ADAMTS17: variants seen among roughly 807,000 people sequenced by gnomAD.
ADAMTS17 encodes the protein A disintegrin and metalloproteinase with thrombospondin motifs 17.
In ADAMTS17, 113 loss-of-function variants were observed where a neutral mutation model predicts 141.5. That is an observed-to-expected ratio of 0.80 (90% CI 0.69 to 0.93). The LOEUF (loss-of-function observed/expected upper bound fraction) is 0.93. Ranked by LOEUF, ADAMTS17 falls within the 40% of genes least tolerant of loss-of-function variation. The pLI is 0.00. For missense variants in ADAMTS17, 1,659 were observed against 1,517.9 expected (o/e 1.09, Z -1.54); for synonymous variants, 768 against 630.6 (o/e 1.22, Z -3.27).
chr15:100,219,763 G>A (rs1363419370), intron 7 of ADAMTS17, among the ~76,000 whole-genome samples: 2 of 152,300 alleles, frequency 1.3e-5, no homozygotes, highest in East Asian at 3.9e-4. Flanking sequence ...CCCTTCATCT[G>A]ACCTGGGAAT....
At chr15:100,163,188 A>G (rs1041797639) in intron 8 of ADAMTS17, among the ~76,000 whole-genome samples, 28 of 152,142 alleles carry the variant, frequency 1.8e-4, no homozygotes, top group African/African-American at 6.7e-4. Context: ...TACAAGATTC[A>G]CATCAAGTAG....
intron 4 of ADAMTS17, among the ~76,000 whole-genome samples, chr15:100,265,294 T>A (rs1384034408): frequency 6.6e-6 from 1 of 152,198 alleles, no homozygotes; most frequent in Non-Finnish European, 1.5e-5. Flanking sequence ...CAAAGACATG[T>A]AACAAAGTCT....
At chr15:100,194,195 C>T (rs891697104) in intron 8 of ADAMTS17, among the ~76,000 whole-genome samples, 2 of 152,202 alleles carry the variant, frequency 1.3e-5, no homozygotes, top group African/African-American at 4.8e-5. Flanking sequence ...AGACATCTCC[C>T]AGGAGTTTGC....
At chr15:100,245,013 AAG>A (rs2042944831) in intron 7 of ADAMTS17, among the ~76,000 whole-genome samples, 2 of 152,212 alleles carry the variant, frequency 1.3e-5, no homozygotes, top group African/African-American at 4.8e-5. Context: ...TGACTAGAGT[AAG>A]AGCCGCACTG....
At chr15:100,092,684 T>C (rs1050143441) in intron 15 of ADAMTS17, among the ~76,000 whole-genome samples, 1 of 152,180 alleles carries the variant, frequency 6.6e-6, no homozygotes, top group Non-Finnish European at 1.5e-5. Flanking sequence ...AGGTAATTAC[T>C]GAACAAATAT....
At chr15:100,021,618 G>A (rs2061408464) in intron 18 of ADAMTS17, among the ~76,000 whole-genome samples, 2 of 152,170 alleles carry the variant, frequency 1.3e-5, no homozygotes, top group African/African-American at 4.8e-5. Flanking sequence ...CAGCCAGTCT[G>A]ATGATTTACT....
intron 3 of ADAMTS17, among the ~76,000 whole-genome samples, chr15:100,290,962 G>C (rs1032891268): frequency 1.1e-4 from 17 of 152,066 alleles, no homozygotes; most frequent in Admixed American, 3.9e-4. Flanking sequence ...TCATGACAAA[G>C]ATGCCAAAAG....
intron 3 of ADAMTS17, among the ~76,000 whole-genome samples, chr15:100,319,441 T>TACA (rs1440059470): frequency 1.3e-5 from 2 of 152,326 alleles, no homozygotes; most frequent in East Asian, 3.9e-4. Context: ...GGCTGGGCAG[T>TACA]GGCTCACGCC....
rs2043548745 is a variant in ADAMTS17 at position 100,262,287 on chromosome 15, G to A, written c.873+65C>T. 2.1e-6 allele frequency: 3 copies of A among 1,432,916 alleles called. No homozygotes were observed. The Admixed American group carries it at 5.1e-5, about 24-fold the overall frequency. The allele number at this position is 1,432,916 out of a possible 1,614,324, so 88.8% of individuals were successfully genotyped here. A position where few individuals can be genotyped will look rare whatever the true frequency, so the allele number is the denominator to read the frequency against. ...CTGGAGCCCCGCTTAGCATTCAACA[G>A]CAGTTGAGAAGCTCCAGCCCAGCCA... is the stretch of plus-strand genomic sequence containing the variant. On this transcript the variant is annotated intron_variant, in intron 5 of 21. Transcript: ENST00000268070.
intron 8 of ADAMTS17, among the ~76,000 whole-genome samples, chr15:100,181,221 T>C (rs752514027): frequency 2.6e-5 from 4 of 152,140 alleles, no homozygotes; most frequent in Non-Finnish European, 5.9e-5. Context: ...TGGACTCCCC[T>C]CTGGCCCAGA....
At chr15:100,301,977 G>A (rs1001810547) in intron 3 of ADAMTS17, among the ~76,000 whole-genome samples, 1 of 152,118 alleles carries the variant, frequency 6.6e-6, no homozygotes, top group African/African-American at 2.4e-5. Flanking sequence ...GTTGTTTTCA[G>A]TGTATTCACA....
In ADAMTS17 at chr15:100,109,030, C is replaced by T. The variant is rs768176304; in HGVS notation, c.1975G>A (p.Gly659Arg). The T allele has an allele frequency of 1.2e-5, 20 of 1,613,998 alleles. No individual in the cohort carries two copies. Among genetic ancestry groups the T allele is most frequent in the Middle Eastern group, 1.6e-4 (1 of 6,076 alleles). ...ACGCAGAGATCAGTCTCGTAGGGCC[C>T]GCAGGGTGTACCGTCCAGGACCCTG... ...ADRVLDGTPC[G>R]PYETDLCVHG... Residue 659 changes from glycine to arginine, a missense_variant, in exon 14 of 22, where the codon GGG (glycine) becomes AGG (arginine). Physicochemically the swap from Gly to Arg is moderately radical, Grantham distance 125. Coordinates refer to ENST00000268070, the MANE Select transcript of ADAMTS17 (RefSeq NM_139057.4).
intron 5 of ADAMTS17, 101 bp from the exon 6 acceptor site, chr15:100,261,737 T>C (rs2043525689): frequency 7.5e-7 from 1 of 1,341,084 alleles, no homozygotes; most frequent in Admixed American, 2.0e-5. Flanking sequence ...AGTCACTCAC[T>C]GAGACATCAT....
chr15:100,202,993 A>C (rs1436342191), intron 7 of ADAMTS17, among the ~76,000 whole-genome samples: 2 of 152,216 alleles, frequency 1.3e-5, no homozygotes, highest in African/African-American at 4.8e-5. Context: ...ATTTTTAAAA[A>C]CATCAATTCC....
intron 7 of ADAMTS17, among the ~76,000 whole-genome samples, chr15:100,228,007 C>G (rs1237164596): frequency 1.3e-5 from 2 of 152,200 alleles, no homozygotes; most frequent in African/African-American, 2.4e-5. Context: ...AATCCCGACA[C>G]TCAGATAAAA....
At position 100,021,308 on chromosome 15, in the gene ADAMTS17, G is replaced by C. The variant is rs2061403088; in HGVS notation, c.2592-23719C>G. ...TCCTTTCCAAAGACCAGACATGCAG[G>C]GTTAGGATCTGGGCGTCATCTTGGA... is the stretch of plus-strand genomic sequence containing the variant. On this transcript the variant is annotated intron_variant, in intron 18 of 21. Transcript: ENST00000268070. Among the ~76,000 whole-genome samples, 3 of 152,116 alleles carry C rather than the reference G, an allele frequency of 2.0e-5. No individual in the cohort carries two copies. In the South Asian group the frequency reaches 6.2e-4, roughly 31 times the overall value.
chr15:100,095,398 T>C lies in ADAMTS17; in HGVS notation c.2137+958A>G, dbSNP rs563420312. On this transcript the variant is annotated intron_variant, in intron 15 of 21. Coordinates refer to ENST00000268070, the MANE Select transcript of ADAMTS17 (RefSeq NM_139057.4). ...CGTTTCTTCCAGACCAGGTTTCCTA[T>C]CCACACAGAGAAAAGTGGAGAGGAG... is the stretch of plus-strand genomic sequence containing the variant. Among the ~76,000 whole-genome samples, 5 of 152,302 alleles carry C rather than the reference T, an allele frequency of 3.3e-5. 1 individual carries two copies. The highest frequency in any genetic ancestry group is 9.6e-5 in the African/African-American group (4 of 41,558).
Position 100,109,082 on chromosome 15 carries a change from C to A in ADAMTS17, c.1923G>T (p.Gly641=). The part of the protein sequence containing the change: ...KPCELYCSPL[G]KESPLLVADR... Reference sequence around the variant, plus strand: ...CGGCCACCAGCAGTGGGGACTCCTTCCCGAGGGGCGAGCAGTAGAGTTCAC... The same window carrying A: ...CGGCCACCAGCAGTGGGGACTCCTTACCGAGGGGCGAGCAGTAGAGTTCAC... The change falls in exon 14 of 22, where the codon GGG becomes GGT. Residue 641 remains glycine (G), a synonymous_variant. Coordinates refer to ENST00000268070, the MANE Select transcript of ADAMTS17 (RefSeq NM_139057.4). 1 of 1,613,824 alleles carries A rather than the reference C, an allele frequency of 6.2e-7. No individual in the cohort carries two copies. The highest frequency in any genetic ancestry group is 1.7e-5 in the Admixed American group (1 of 60,014).
chr15:100,312,981 A>G (rs899276497), intron 3 of ADAMTS17, among the ~76,000 whole-genome samples: 1 of 152,226 alleles, frequency 6.6e-6, no homozygotes, highest in African/African-American at 2.4e-5. Flanking sequence ...CCATAAGCAT[A>G]CAAAGCTTAA....
Sources: gnomAD v4.1 joint callset for allele counts (sites outside exome capture counted in the v4.1 genomes callset) on GRCh38, gnomAD v4.1.1 for gene constraint, MANE v1.5 for transcripts, NCBI Gene and HGNC (gene_info 2026-07-23, HGNC 2026-07-21) for gene names.